JMY: variants seen among roughly 807,000 people sequenced by gnomAD.
The protein encoded by JMY is junction mediating and regulatory protein, p53 cofactor, also known as junction-mediating and -regulatory protein.
JMY carries 46 observed loss-of-function variants against 103.3 expected under a neutral mutation model. That is an observed-to-expected ratio of 0.45 (90% CI 0.35 to 0.57). JMY has a LOEUF of 0.57. Among genes scored for constraint, JMY ranks in the 20% least tolerant of loss-of-function variants. The pLI is 0.00. For synonymous variants in JMY, 526 were observed against 489.3 expected (o/e 1.07, Z -0.99); for missense variants, 1,238 against 1,255.2 (o/e 0.99, Z 0.21).
intron 2 of JMY, among the ~76,000 whole-genome samples, chr5:79,287,180 C>T (rs1280047324): frequency 6.6e-6 from 1 of 152,018 alleles, no homozygotes; most frequent in Non-Finnish European, 1.5e-5. Flanking sequence ...AAGGAACTGC[C>T]GATGCTGGGG....
chr5:79,251,936 G>A (rs1371401180), intron 1 of JMY, among the ~76,000 whole-genome samples: 2 of 151,742 alleles, frequency 1.3e-5, no homozygotes, highest in Non-Finnish European at 2.9e-5. Flanking sequence ...CACCACGCCC[G>A]GCTAATTTTT....
intron 4 of JMY, among the ~76,000 whole-genome samples, chr5:79,296,665 CTCATT>C (rs766492750): frequency 1.3e-5 from 2 of 152,182 alleles, no homozygotes; most frequent in Non-Finnish European, 2.9e-5. Flanking sequence ...TTTTCGAACC[CTCATT>C]TCATTTCTTG....
intron 1 of JMY, 63 bp downstream of exon 1, chr5:79,237,745 A>T (rs548956975): frequency 4.7e-5 from 68 of 1,459,358 alleles, no homozygotes; most frequent in Non-Finnish European, 6.1e-5. Flanking sequence ...GCCAAACCAA[A>T]GGCTGGAGCC....
intron 10 of JMY, among the ~76,000 whole-genome samples, chr5:79,321,250 T>A (rs544443213): frequency 6.6e-6 from 1 of 152,360 alleles, no homozygotes; most frequent in Admixed American, 6.5e-5. Flanking sequence ...ATTAATCCTG[T>A]CCTCTAAATG....
chr5:79,270,642 T>C (rs1250685415), intron 1 of JMY, among the ~76,000 whole-genome samples: 1 of 141,796 alleles, frequency 7.1e-6, no homozygotes, highest in African/African-American at 2.7e-5. Flanking sequence ...TACATAAATA[T>C]TTATATAAAA....
chr5:79,313,131 G>A lies in JMY; in HGVS notation c.2064+633G>A, dbSNP rs1049542722. ...AGTGGAAAAAAAGGAGGTGAGGCAG[G>A]GGAAAAGCCTTGTTATTAAGTAAAT... On this transcript the variant is annotated intron_variant, in intron 8 of 10. Transcript: ENST00000396137. Among the ~76,000 whole-genome samples the A allele has an allele frequency of 2.6e-5, 4 of 152,256 alleles. No individual in the cohort carries two copies. In the South Asian group the frequency reaches 8.3e-4, roughly 32 times the overall value.
chr5:79,277,880 T>C (rs755219839), intron 1 of JMY, 30 bp from the exon 2 acceptor site: 5 of 1,586,768 alleles, frequency 3.2e-6, no homozygotes, highest in Non-Finnish European at 4.3e-6. Flanking sequence ...GAATTGATTT[T>C]CTTAGTTGTG....
intron 9 of JMY, among the ~76,000 whole-genome samples, chr5:79,315,249 T>C (rs1239907893): frequency 6.6e-6 from 1 of 152,254 alleles, no homozygotes. Flanking sequence ...CATTTGTTCA[T>C]ACATTTGTTG....
chr5:79,237,604 G>A lies in JMY; in HGVS notation c.954G>A (p.Glu318=), dbSNP rs375511909. 69 of 1,613,718 alleles carry A rather than the reference G, an allele frequency of 4.3e-5. No homozygotes were observed. In the African/African-American group the frequency reaches 4.4e-4, roughly 10 times the overall value. The change falls in exon 1 of 11, where the codon GAG becomes GAA. Residue 318 remains glutamate (E), a synonymous_variant. Transcript: ENST00000396137. ...VLFTETDDPE[E]YYESLSELRQ... Reference sequence around the variant, plus strand: ...TCACCGAGACCGATGATCCCGAGGAGTATTACGAAAGCCTCAGCGAGCTGC... The same window carrying A: ...TCACCGAGACCGATGATCCCGAGGAATATTACGAAAGCCTCAGCGAGCTGC...
chr5:79,291,495 G>C (rs1746424427), intron 4 of JMY, among the ~76,000 whole-genome samples, 196 bp downstream of exon 4: 1 of 152,194 alleles, frequency 6.6e-6, no homozygotes, highest in African/African-American at 2.4e-5. Context: ...GCATCACAGT[G>C]TGATGGTTGG....
chr5:79,296,929 C>T (rs1746580278), intron 4 of JMY, among the ~76,000 whole-genome samples: 1 of 152,188 alleles, frequency 6.6e-6, no homozygotes. Context: ...CATTATTACA[C>T]ATGGTGAGAA....
chr5:79,260,630 A>G (rs755704503), intron 1 of JMY, among the ~76,000 whole-genome samples: 2 of 148,660 alleles, frequency 1.3e-5, no homozygotes, highest in Non-Finnish European at 3.0e-5. Flanking sequence ...AGCTCAAGTG[A>G]TCCACCCACC....
intron 10 of JMY, among the ~76,000 whole-genome samples, chr5:79,317,894 G>A (rs1036483496): frequency 1.3e-5 from 2 of 152,012 alleles, no homozygotes; most frequent in African/African-American, 2.4e-5. Context: ...TGGTTGCCCC[G>A]ATTAGCATAA....
In JMY at chr5:79,325,307, C is replaced by A. The variant is rs923389601; in HGVS notation, c.*3705C>A. Reference sequence around the variant, plus strand: ...AATGTGTAAAAAGTACTATTGGGTCCTTAAGGGCTCTATCAGGGAGTTGAA... The same window carrying A: ...AATGTGTAAAAAGTACTATTGGGTCATTAAGGGCTCTATCAGGGAGTTGAA... On this transcript the variant is annotated 3_prime_UTR_variant, in exon 11 of 11. Coordinates refer to ENST00000396137, the MANE Select transcript of JMY (RefSeq NM_152405.5). 6 of 152,034 alleles carry A rather than the reference C, an allele frequency of 3.9e-5. No homozygotes were observed. The highest frequency in any genetic ancestry group is 7.4e-5 in the Non-Finnish European group (5 of 67,972). 9.4% of individuals were successfully genotyped at this position (152,034 alleles called of 1,614,324 possible).
intron 1 of JMY, among the ~76,000 whole-genome samples, chr5:79,270,383 T>C (rs1745715558): frequency 8.1e-6 from 1 of 123,074 alleles, no homozygotes; most frequent in Non-Finnish European, 1.7e-5. Flanking sequence ...ACATAAATAT[T>C]TACATAAAAT....
In JMY at chr5:79,237,563, C is replaced by T. The variant is rs375283640; in HGVS notation, c.913C>T (p.Leu305Phe). 19 of 1,613,560 alleles carry T rather than the reference C, an allele frequency of 1.2e-5. No individual in the cohort carries two copies. Among genetic ancestry groups the T allele is most frequent in the Non-Finnish European group, 1.5e-5 (18 of 1,180,012 alleles). Reference sequence around the variant, plus strand: ...CCTGGACACCTGCGGCTGGAAGATCCTCTCCCAGGTGCTCTTCACCGAGAC... The same window carrying T: ...CCTGGACACCTGCGGCTGGAAGATCTTCTCCCAGGTGCTCTTCACCGAGAC... ...HGLDTCGWKILSQVLFTETDD... is the reference protein window; with the variant it reads ...HGLDTCGWKIFSQVLFTETDD... The change falls in exon 1 of 11, where the codon CTC becomes TTC. Residue 305 changes from leucine (L) to phenylalanine (F), a missense_variant. Transcript: ENST00000396137.
chr5:79,256,396 G>A (rs1745243482), intron 1 of JMY, among the ~76,000 whole-genome samples: 1 of 151,998 alleles, frequency 6.6e-6, no homozygotes, highest in Non-Finnish European at 1.5e-5. Flanking sequence ...TGGAATCAGG[G>A]ACCCCATGAG....
At chr5:79,238,317 T>C (rs1436021493) in intron 1 of JMY, among the ~76,000 whole-genome samples, 1 of 152,020 alleles carries the variant, frequency 6.6e-6, no homozygotes, top group Non-Finnish European at 1.5e-5. Flanking sequence ...TAGGTAGAAA[T>C]AAAGATTCTG....
In JMY at chr5:79,239,267, C is replaced by T. The variant is rs151207616; in HGVS notation, c.1032+1585C>T. On this transcript the variant is annotated intron_variant, in intron 1 of 10. Transcript: ENST00000396137. ...AGTTCCAGGGATCTGTTTTTATTTC[C>T]CTTTTTTATCACCTCACTTCGGGAG... is the stretch of plus-strand genomic sequence containing the variant. Among the ~76,000 whole-genome samples the T allele has an allele frequency of 2.6e-5, 4 of 152,158 alleles. No homozygotes were observed. In the East Asian group the frequency reaches 7.7e-4, roughly 29 times the overall value.
Sources: allele counts gnomAD v4.1 joint callset (sites outside exome capture counted in the v4.1 genomes callset), GRCh38; gene constraint gnomAD v4.1.1; transcripts MANE v1.5; gene names NCBI Gene and HGNC (gene_info 2026-07-23, HGNC 2026-07-21).